FAM184B: variants seen among roughly 807,000 people sequenced by gnomAD.
The protein encoded by FAM184B is family with sequence similarity 184 member B.
FAM184B carries 111 observed loss-of-function variants against 135.9 expected under a neutral mutation model. The observed-to-expected ratio is 0.82, with a 90% CI of 0.70 to 0.96. The LOEUF is 0.96. Ranked by LOEUF, FAM184B falls within the 40% of genes least tolerant of loss-of-function variation. The pLI, the probability that FAM184B is intolerant of heterozygous loss-of-function variation, is 0.00. For synonymous variants in FAM184B, 552 were observed against 524.8 expected, an observed-to-expected ratio of 1.05 and a Z score of -0.71; for missense variants, 1,375 against 1,323.9, an observed-to-expected ratio of 1.04 and a Z score of -0.60.
chr4:17,649,119 A>C (rs76630217), intron 11 of FAM184B, among the ~76,000 whole-genome samples: 2,318 of 152,332 alleles, frequency 0.015, 67 homozygotes, highest in African/African-American at 0.053. Context: ...TTTAGTACAG[A>C]GCAAGTGCTC....
intron 1 of FAM184B, among the ~76,000 whole-genome samples, chr4:17,714,986 C>T (rs186120871): frequency 2.6e-5 from 4 of 152,180 alleles, no homozygotes. Flanking sequence ...CCCTCCCCTT[C>T]CCCTCACCTC....
chr4:17,695,403 C>A (rs1167438492), intron 5 of FAM184B, among the ~76,000 whole-genome samples: 6 of 152,102 alleles, frequency 3.9e-5, no homozygotes, highest in Non-Finnish European at 1.5e-5. Context: ...TAAACTCCAG[C>A]GATCCTCCCA....
intron 1 of FAM184B, among the ~76,000 whole-genome samples, chr4:17,763,691 A>G (rs1044370643): frequency 2.6e-5 from 4 of 152,126 alleles, no homozygotes; most frequent in African/African-American, 9.7e-5. Context: ...ATGGACTCTT[A>G]TTCAGAGGCC....
At chr4:17,654,456 T>G (rs1288565791) in intron 10 of FAM184B, among the ~76,000 whole-genome samples, 1 of 152,204 alleles carries the variant, frequency 6.6e-6, no homozygotes, top group Non-Finnish European at 1.5e-5. Flanking sequence ...GTGTTGAGAT[T>G]GCAGGCATGA....
intron 7 of FAM184B, among the ~76,000 whole-genome samples, chr4:17,686,265 A>G (rs1228968768): frequency 6.6e-6 from 1 of 152,330 alleles, no homozygotes; most frequent in East Asian, 1.9e-4. Flanking sequence ...TCAGGCAGAA[A>G]TCTTCTGAAA....
chr4:17,647,193 A>C (rs2108933967), intron 12 of FAM184B, among the ~76,000 whole-genome samples: 1 of 151,654 alleles, frequency 6.6e-6, no homozygotes, highest in South Asian at 2.1e-4. Context: ...CCTGTGGAGA[A>C]GGGTCTTCCC....
At chr4:17,674,723 CCTTT>C (rs1716273089) in intron 7 of FAM184B, among the ~76,000 whole-genome samples, 1 of 152,174 alleles carries the variant, frequency 6.6e-6, no homozygotes, top group African/African-American at 2.4e-5. Flanking sequence ...TATTCTAAAT[CCTTT>C]CTTGTTATTT....
chr4:17,703,044 C>T (rs1008894), intron 5 of FAM184B, among the ~76,000 whole-genome samples: 51,572 of 152,126 alleles, frequency 0.34, 9,232 homozygotes, highest in South Asian at 0.4. Flanking sequence ...TGATATATAA[C>T]ATCTTTGAGC....
At chr4:17,697,068 A>G (rs1414399882) in intron 5 of FAM184B, among the ~76,000 whole-genome samples, 1 of 152,190 alleles carries the variant, frequency 6.6e-6, no homozygotes, top group Non-Finnish European at 1.5e-5. Context: ...ATTAGATTAC[A>G]TGAAGTGGGG....
chr4:17,672,054 C>A (rs148793516), intron 7 of FAM184B, among the ~76,000 whole-genome samples: 2,474 of 152,118 alleles, frequency 0.016, 78 homozygotes, highest in African/African-American at 0.057. Context: ...ATCCAAGAAG[C>A]CCTAAATACA....
chr4:17,685,881 C>T (rs1200056559), intron 7 of FAM184B, among the ~76,000 whole-genome samples: 1 of 152,162 alleles, frequency 6.6e-6, no homozygotes, highest in Non-Finnish European at 1.5e-5. Context: ...TCATGGACAT[C>T]GTGACCATGA....
Position 17,705,030 on chromosome 4 carries a change from G to C in FAM184B, c.1347C>G (p.Ser449=). 6.4e-7 allele frequency: 1 copy of C among 1,551,750 alleles called. No individual in the cohort carries two copies. Among genetic ancestry groups the C allele is most frequent in the Non-Finnish European group, 8.7e-7 (1 of 1,147,006 alleles). Reference sequence around the variant, plus strand: ...GCAGTTTCTTTCTTTCAGCCTCCACGGACGAGCGAACGGATTTGATTTCCA... The same window carrying C: ...GCAGTTTCTTTCTTTCAGCCTCCACCGACGAGCGAACGGATTTGATTTCCA... The part of the protein sequence containing the change: ...HTVEIKSVRS[S]VEAERKKLQR... Residue 449 remains serine, a synonymous_variant, in exon 5 of 18, where the codon TCC becomes TCG. Coordinates refer to ENST00000265018, the MANE Select transcript of FAM184B (RefSeq NM_015688.2).
intron 1 of FAM184B, among the ~76,000 whole-genome samples, chr4:17,742,627 C>T (rs527617572): frequency 7.2e-5 from 11 of 152,080 alleles, no homozygotes; most frequent in Non-Finnish European, 1.5e-4. Context: ...GCAGCTGAGC[C>T]GCGAGCAGAG....
At chr4:17,739,960 C>G (rs1235686846) in intron 1 of FAM184B, among the ~76,000 whole-genome samples, 3 of 152,076 alleles carry the variant, frequency 2.0e-5, no homozygotes, top group African/African-American at 7.2e-5. Flanking sequence ...TTCTGTTAAA[C>G]GTTAAACCTA....
At chr4:17,641,593 C>T (rs1369611318) in intron 13 of FAM184B, among the ~76,000 whole-genome samples, 27 of 142,926 alleles carry the variant, frequency 1.9e-4, no homozygotes, top group African/African-American at 6.7e-4. Context: ...ATTTTCCTGC[C>T]TCAGCCTCCC....
At chr4:17,740,169 T>C (rs542743581) in intron 1 of FAM184B, among the ~76,000 whole-genome samples, 1 of 151,746 alleles carries the variant, frequency 6.6e-6, no homozygotes, top group African/African-American at 2.4e-5. Context: ...CTGGCCAATA[T>C]AGCAAAGCCG....
At chr4:17,770,811 G>A (rs1718805003) in intron 1 of FAM184B, among the ~76,000 whole-genome samples, 1 of 152,094 alleles carries the variant, frequency 6.6e-6, no homozygotes, top group Non-Finnish European at 1.5e-5. Flanking sequence ...AGTTTTGTTT[G>A]TTTTCATTTT....
chr4:17,750,093 C>A (rs1276136781), intron 1 of FAM184B, among the ~76,000 whole-genome samples: 4 of 151,914 alleles, frequency 2.6e-5, no homozygotes, highest in Non-Finnish European at 5.9e-5. Context: ...TGGATTTTTC[C>A]CTTAGGACAG....
At chr4:17,684,073 T>G (rs1418626284) in intron 7 of FAM184B, among the ~76,000 whole-genome samples, 1 of 50,282 alleles carries the variant, frequency 2.0e-5, no homozygotes. Context: ...GTCTCAAGAA[T>G]AATAATAATA....
Sources: gnomAD v4.1 joint callset for allele counts (sites outside exome capture counted in the v4.1 genomes callset) on GRCh38, gnomAD v4.1.1 for gene constraint, MANE v1.5 for transcripts, NCBI Gene and HGNC (gene_info 2026-07-23, HGNC 2026-07-21) for gene names.